Variants in METRNL observed in about 807,000 individuals in gnomAD.
METRNL encodes meteorin-like protein.
METRNL carries 9 observed loss-of-function variants against 17.4 expected under a neutral mutation model. The ratio of observed to expected loss-of-function variants is 0.52; its 90% CI spans 0.31 to 0.90. METRNL has a LOEUF of 0.90. METRNL is among the 40% of genes least tolerant of loss of function. METRNL has a pLI of 0.05. For synonymous variants in METRNL, 215 were observed against 199.3 expected, an observed-to-expected ratio of 1.08 and a Z score of -0.66; for missense variants, 408 against 430.7, an observed-to-expected ratio of 0.95 and a Z score of 0.47.
chr17:83,081,798 G>A (rs929153391), intron 1 of METRNL, among the ~76,000 whole-genome samples: 4 of 152,172 alleles, frequency 2.6e-5, no homozygotes, highest in African/African-American at 9.7e-5. Context: ...TTTCTGGGGC[G>A]TAAGTGAGAC....
Position 83,084,932 on chromosome 17 carries a change from C to T in METRNL, c.171-6C>T, listed in dbSNP as rs2143621884. ...GGGCCTGGCTGACAGTGTCTCTCCT[C>T]TGCAGCGGGCTGACGCACGAGGCAC... On this transcript the variant is annotated splice_polypyrimidine_tract_variant and splice_region_variant and intron_variant, in intron 1 of 3. Coordinates refer to ENST00000320095, the MANE Select transcript of METRNL (RefSeq NM_001004431.3). The T allele has an allele frequency of 6.2e-7, 1 of 1,606,814 alleles. No homozygotes were observed. Among genetic ancestry groups the T allele is most frequent in the Non-Finnish European group, 8.5e-7 (1 of 1,176,246 alleles).
chr17:83,080,898 C>T (rs1007556015), intron 1 of METRNL, among the ~76,000 whole-genome samples: 27 of 151,040 alleles, frequency 1.8e-4, no homozygotes, highest in Admixed American at 8.5e-4. Context: ...GGCCGAGTCA[C>T]GCGGTGATGT....
intron 2 of METRNL, among the ~76,000 whole-genome samples, chr17:83,088,330 G>T (rs941683052): frequency 3.4e-4 from 51 of 152,228 alleles, no homozygotes; most frequent in African/African-American, 1.2e-3. Context: ...CTGTTTGCAG[G>T]CCAGGGAATC....
At chr17:83,088,341 C>T (rs376952576) in intron 2 of METRNL, among the ~76,000 whole-genome samples, 2 of 152,218 alleles carry the variant, frequency 1.3e-5, no homozygotes, top group African/African-American at 4.8e-5. Context: ...CCAGGGAATC[C>T]GGGAAACGGG....
At position 83,082,320 on chromosome 17, in the gene METRNL, G is replaced by C. The variant is rs564430554; in HGVS notation, c.170+2335G>C. ...CCGGGCATTTTGTCCTGGTGACCCA[G>C]AGTTGTGGTGTGTGGGCTGGTGCCT... On this transcript the variant is annotated intron_variant, in intron 1 of 3. Coordinates refer to ENST00000320095, the MANE Select transcript of METRNL (RefSeq NM_001004431.3). The C allele has an allele frequency of 2.7e-4, 254 of 940,510 alleles. No homozygotes were observed. In the African/African-American group the frequency reaches 4.4e-3, roughly 16 times the overall value. The allele number at this position is 940,510 out of a possible 1,614,324, so 58.3% of individuals were successfully genotyped here.
At chr17:83,080,041 T>C in intron 1 of METRNL, 56 bp downstream of exon 1, 1 of 916,978 alleles carries the variant, frequency 1.1e-6, no homozygotes, top group Non-Finnish European at 1.3e-6. Flanking sequence ...TCCCCTCCCG[T>C]CCCGGGCCGG....
At chr17:83,089,991 C>T (rs1240556008) in intron 2 of METRNL, among the ~76,000 whole-genome samples, 6 of 152,050 alleles carry the variant, frequency 3.9e-5, no homozygotes, top group Non-Finnish European at 5.9e-5. Flanking sequence ...TCTCCATCCT[C>T]CCCCTCGGCC....
chr17:83,094,528 G>A lies in METRNL; in HGVS notation c.889G>A (p.Asp297Asn). Residue 297 changes from aspartate (D) to asparagine (N), a missense_variant, in exon 4 of 4, where the codon GAT becomes AAT. Coordinates refer to ENST00000320095, the MANE Select transcript of METRNL (RefSeq NM_001004431.3). ...CAAGGACTTCCAGAGGATGTACAGG[G>A]ATGCCCAGGAGAGGGGGCTGAACCC... Reference protein sequence around the residue: ...RFKDFQRMYRDAQERGLNPCE... With the variant: ...RFKDFQRMYRNAQERGLNPCE... 6.5e-7 allele frequency: 1 copy of A among 1,533,762 alleles called. No individual in the cohort carries two copies. Among genetic ancestry groups the A allele is most frequent in the Non-Finnish European group, 8.8e-7 (1 of 1,133,748 alleles).
Position 83,079,967 on chromosome 17 carries a change from G to C in METRNL, c.152G>C (p.Arg51Pro). Residue 51 changes from arginine to proline, a missense_variant, in exon 1 of 4, where the codon CGG (arginine) becomes CCG (proline). Physicochemically the swap from Arg to Pro is moderately radical, Grantham distance 103. Transcript: ENST00000320095. Reference protein sequence around the residue: ...GGAGAQYSSDRCSWKGSGLTH... With the variant: ...GGAGAQYSSDPCSWKGSGLTH... ...GCGGGCGCGCAGTACTCCAGCGACC[G>C]GTGCAGCTGGAAGGGGAGGTGAGTG... The C allele has an allele frequency of 9.8e-7, 1 of 1,015,332 alleles. No individual in the cohort carries two copies. Among genetic ancestry groups the C allele is most frequent in the Non-Finnish European group, 1.2e-6 (1 of 850,920 alleles). 62.9% of individuals were successfully genotyped at this position (1,015,332 alleles called of 1,614,324 possible).
intron 2 of METRNL, among the ~76,000 whole-genome samples, 189 bp from the exon 3 acceptor site, chr17:83,092,978 C>T (rs528318635): frequency 9.9e-5 from 15 of 152,146 alleles, no homozygotes; most frequent in South Asian, 2.1e-4. Context: ...TTCTGTCTCC[C>T]GTGCTGCCGG....
intron 2 of METRNL, among the ~76,000 whole-genome samples, chr17:83,089,085 G>A (rs1663179270): frequency 1.3e-5 from 2 of 152,090 alleles, no homozygotes; most frequent in African/African-American, 4.8e-5. Context: ...GGGGCTATGG[G>A]GCCAACACCC....
intron 2 of METRNL, 65 bp downstream of exon 2, chr17:83,085,388 T>C: frequency 2.7e-6 from 4 of 1,494,934 alleles, no homozygotes; most frequent in Non-Finnish European, 3.6e-6. Context: ...ATGTGGCAGG[T>C]GTCTCTGATT....
At chr17:83,085,404 C>A (rs1229500886) in intron 2 of METRNL, 81 bp downstream of exon 2, 4 of 1,471,702 alleles carry the variant, frequency 2.7e-6, no homozygotes, top group Non-Finnish European at 2.7e-6. Flanking sequence ...TGATTTCTTC[C>A]TGTCCCCTCG....
chr17:83,094,518 G>T lies in METRNL; in HGVS notation c.879G>T (p.Arg293Ser). ...CCCCACGCTTCAAGGACTTCCAGAGGATGTACAGGGATGCCCAGGAGAGGG... is the reference window on the plus strand; with the variant it reads ...CCCCACGCTTCAAGGACTTCCAGAGTATGTACAGGGATGCCCAGGAGAGGG... ...GCAPRFKDFQRMYRDAQERGL... is the reference protein window; with the variant it reads ...GCAPRFKDFQSMYRDAQERGL... The change falls in exon 4 of 4, where the codon AGG becomes AGT. Residue 293 changes from arginine to serine, a missense_variant. By Grantham distance (110) the Arg-to-Ser change is moderately radical. Coordinates refer to ENST00000320095, the MANE Select transcript of METRNL (RefSeq NM_001004431.3). 6.5e-7 allele frequency: 1 copy of T among 1,541,114 alleles called. No individual in the cohort carries two copies. The highest frequency in any genetic ancestry group is 8.8e-7 in the Non-Finnish European group (1 of 1,137,172).
At chr17:83,083,210 C>A (rs2038010112) in intron 1 of METRNL, among the ~76,000 whole-genome samples, 1 of 152,220 alleles carries the variant, frequency 6.6e-6, no homozygotes, top group Non-Finnish European at 1.5e-5. Context: ...CCGCCTGTCC[C>A]CAGCTGAGTT....
At position 83,094,808 on chromosome 17, in the gene METRNL, A is replaced by T; in HGVS notation, c.*233A>T. 2.6e-6 allele frequency: 1 copy of T among 387,870 alleles called. No individual in the cohort carries two copies. The highest frequency in any genetic ancestry group is 6.5e-4 in the Middle Eastern group (1 of 1,550). 24.0% of individuals were successfully genotyped at this position (387,870 alleles called of 1,614,324 possible). A position where few individuals can be genotyped will look rare whatever the true frequency, so the allele number is the denominator to read the frequency against. ...TGTAAAATGCAAACTAAGTTATTAT[A>T]TTTTTTTTTGGTAAAAAAGAAATGT... On this transcript the variant is annotated 3_prime_UTR_variant, in exon 4 of 4. Coordinates refer to ENST00000320095, the MANE Select transcript of METRNL (RefSeq NM_001004431.3).
intron 1 of METRNL, among the ~76,000 whole-genome samples, chr17:83,081,891 G>T (rs2037993686): frequency 6.6e-6 from 1 of 152,200 alleles, no homozygotes; most frequent in African/African-American, 2.4e-5. Flanking sequence ...ACCGGAGTGC[G>T]CTGGCCTGCC....
At chr17:83,080,048 C>G in intron 1 of METRNL, 63 bp downstream of exon 1, 1 of 972,480 alleles carries the variant, frequency 1.0e-6, no homozygotes, top group Non-Finnish European at 1.2e-6. Flanking sequence ...CCGTCCCGGG[C>G]CGGCCGAGCG....
intron 2 of METRNL, among the ~76,000 whole-genome samples, chr17:83,089,414 C>T (rs1034921508): frequency 3.3e-5 from 5 of 152,170 alleles, no homozygotes; most frequent in Admixed American, 6.5e-5. Context: ...GCAGTCCTGC[C>T]GGACCGGTCG....
Sources: gnomAD v4.1 joint callset for allele counts (sites outside exome capture counted in the v4.1 genomes callset) on GRCh38, gnomAD v4.1.1 for gene constraint, MANE v1.5 for transcripts, NCBI Gene and HGNC (gene_info 2026-07-23, HGNC 2026-07-21) for gene names.